The following RBM39 variants were observed in gnomAD, a reference collection of about 807,000 sequenced individuals.
The protein encoded by RBM39 is RNA-binding protein 39.
RBM39 carries 12 observed loss-of-function variants against 79.6 expected under a neutral mutation model. That is an observed-to-expected ratio of 0.15 (90% CI 0.10 to 0.24). RBM39 has a LOEUF of 0.24. Among genes scored for constraint, RBM39 ranks in the 10% least tolerant of loss-of-function variants. The pLI is 1.00. For missense variants in RBM39, 243 were observed against 653.4 expected, an observed-to-expected ratio of 0.37 and a Z score of 6.85; for synonymous variants, 185 against 208.4, an observed-to-expected ratio of 0.89 and a Z score of 0.97.
At chr20:35,707,285 C>A in intron 13 of RBM39, 84 bp from the exon 14 acceptor site, 4 of 814,224 alleles carry the variant, frequency 4.9e-6, no homozygotes, top group South Asian at 3.8e-5. Flanking sequence ...AACCAAAAAC[C>A]CACCCCAAGC....
At chr20:35,730,205 T>C (rs2039215113) in intron 4 of RBM39, among the ~76,000 whole-genome samples, 1 of 152,200 alleles carries the variant, frequency 6.6e-6, no homozygotes, top group Non-Finnish European at 1.5e-5. Context: ...TGTGAGGACT[T>C]GTCAGGACTA....
intron 9 of RBM39, among the ~76,000 whole-genome samples, chr20:35,719,741 CTG>C (rs1404882099): frequency 6.6e-6 from 1 of 152,128 alleles, no homozygotes; most frequent in Non-Finnish European, 1.5e-5. Context: ...TAAATATCAA[CTG>C]TTTCCTGATG....
In RBM39 at chr20:35,705,340, A is replaced by G; in HGVS notation, c.1308-10T>C. 1 of 1,464,064 alleles carries G rather than the reference A, an allele frequency of 6.8e-7. No homozygotes were observed. The highest frequency in any genetic ancestry group is 9.4e-7 in the Non-Finnish European group (1 of 1,058,892). 90.7% of individuals were successfully genotyped at this position (1,464,064 alleles called of 1,614,324 possible). A position where few individuals can be genotyped will look rare whatever the true frequency, so the allele number is the denominator to read the frequency against. ...TCCAACTTCTTCTTCTCTGTAAGAA[A>G]GTATTAAGGACTCTTAAATACTATT... is the stretch of plus-strand genomic sequence containing the variant. On this transcript the variant is annotated splice_polypyrimidine_tract_variant and intron_variant, in intron 14 of 16. Transcript: ENST00000253363.
intron 8 of RBM39, among the ~76,000 whole-genome samples, chr20:35,723,379 TCC>T (rs2038239429): frequency 6.6e-6 from 1 of 152,150 alleles, no homozygotes; most frequent in Non-Finnish European, 1.5e-5. Flanking sequence ...CAGCCCTGGG[TCC>T]CGCCAATGCA....
intron 12 of RBM39, among the ~76,000 whole-genome samples, chr20:35,712,802 C>G (rs776359196): frequency 2.8e-4 from 42 of 152,030 alleles, no homozygotes; most frequent in South Asian, 2.1e-3. Flanking sequence ...CGACTAAAAA[C>G]TGGGGTGCAG....
intron 12 of RBM39, among the ~76,000 whole-genome samples, chr20:35,709,495 A>C (rs965650387): frequency 2.6e-5 from 4 of 151,974 alleles, no homozygotes; most frequent in Non-Finnish European, 4.4e-5. Context: ...CCTAGACTAG[A>C]CTACTCTTCC....
intron 13 of RBM39, among the ~76,000 whole-genome samples, chr20:35,708,209 T>G (rs1284682731): frequency 6.6e-6 from 1 of 152,000 alleles, no homozygotes; most frequent in Non-Finnish European, 1.5e-5. Context: ...TAATATAACA[T>G]GTCAAATTCT....
intron 8 of RBM39, among the ~76,000 whole-genome samples, chr20:35,723,250 A>G (rs2038222484): frequency 6.6e-6 from 1 of 151,812 alleles, no homozygotes; most frequent in Admixed American, 6.6e-5. Context: ...AAAAAAGAAA[A>G]GTTGTCCATT....
intron 7 of RBM39, 81 bp from the exon 8 acceptor site, chr20:35,724,803 G>T (rs1302177759): frequency 2.7e-6 from 4 of 1,464,502 alleles, no homozygotes; most frequent in Admixed American, 2.1e-5. Flanking sequence ...GTTGAAGGAT[G>T]AAGGTATTTT....
chr20:35,715,759 T>A (rs777021278), intron 10 of RBM39, among the ~76,000 whole-genome samples: 4 of 152,182 alleles, frequency 2.6e-5, no homozygotes, highest in Non-Finnish European at 5.9e-5. Context: ...ATCCCCACTG[T>A]GGAAAGTGTG....
At chr20:35,722,166 A>C (rs544754918) in intron 8 of RBM39, among the ~76,000 whole-genome samples, 1 of 152,214 alleles carries the variant, frequency 6.6e-6, no homozygotes, top group East Asian at 1.9e-4. Flanking sequence ...CCAGCACTTT[A>C]GTAGGCTAAA....
At chr20:35,726,432 A>C (rs1421377780) in intron 6 of RBM39, among the ~76,000 whole-genome samples, 1 of 152,150 alleles carries the variant, frequency 6.6e-6, no homozygotes, top group East Asian at 1.9e-4. Flanking sequence ...CGCCTGGCCC[A>C]AAAAGGGTAA....
At chr20:35,723,800 G>A (rs897202589) in intron 8 of RBM39, among the ~76,000 whole-genome samples, 1 of 152,206 alleles carries the variant, frequency 6.6e-6, no homozygotes, top group African/African-American at 2.4e-5. Flanking sequence ...TAACACTTCA[G>A]GAGGCCCAGG....
chr20:35,721,968 T>C, intron 8 of RBM39, 91 bp from the exon 9 acceptor site: 1 of 1,436,312 alleles, frequency 7.0e-7, no homozygotes, highest in South Asian at 1.2e-5. Flanking sequence ...TGTTAAAGTT[T>C]AGAGTGATAA....
chr20:35,738,134 C>T (rs1031496783), intron 3 of RBM39, among the ~76,000 whole-genome samples: 6 of 149,924 alleles, frequency 4.0e-5, no homozygotes, highest in Admixed American at 6.7e-5. Flanking sequence ...CCAGCCTGGG[C>T]GACACTGCCA....
intron 12 of RBM39, among the ~76,000 whole-genome samples, chr20:35,711,847 T>C (rs1466788899): frequency 3.3e-5 from 5 of 152,138 alleles, no homozygotes; most frequent in East Asian, 1.9e-4. Context: ...CGTATATATA[T>C]ATAAGGTCAA....
chr20:35,726,669 TAC>T (rs2038729105), intron 6 of RBM39, among the ~76,000 whole-genome samples: 1 of 152,234 alleles, frequency 6.6e-6, no homozygotes, highest in Non-Finnish European at 1.5e-5. Flanking sequence ...CAAATTTAGA[TAC>T]AGTGTCTATT....
At chr20:35,738,343 A>C (rs1010902533) in intron 3 of RBM39, among the ~76,000 whole-genome samples, 2 of 152,204 alleles carry the variant, frequency 1.3e-5, no homozygotes, top group African/African-American at 4.8e-5. Context: ...TTTCTGTACT[A>C]GTCTATAGCA....
rs11476594 is a variant in RBM39 at position 35,729,843 on chromosome 20, TAAAAA to T, written c.297-321_297-317del. Among the ~76,000 whole-genome samples the T allele has an allele frequency of 4.1e-5, 6 of 145,392 alleles. No homozygotes were observed. The South Asian group carries it at 1.1e-3, about 26-fold the overall frequency. ...CATATATATATACAGTCTTGAGAAT[TAAAAA>T]AAAAAAAACACACACACACATATAT... On this transcript the variant is annotated intron_variant, in intron 4 of 16. Transcript: ENST00000253363.
Sources: gnomAD v4.1 joint callset for allele counts (sites outside exome capture counted in the v4.1 genomes callset) on GRCh38, gnomAD v4.1.1 for gene constraint, MANE v1.5 for transcripts, NCBI Gene and HGNC (gene_info 2026-07-23, HGNC 2026-07-21) for gene names.